The following BNC2 variants were observed in gnomAD, a reference collection of about 807,000 sequenced individuals.
The protein encoded by BNC2 is basonuclin zinc finger protein 2.
Under a neutral mutation model 76.3 loss-of-function variants are expected in BNC2, and 20 were observed. The observed-to-expected ratio is 0.26, with a 90% CI of 0.18 to 0.38. The LOEUF (loss-of-function observed/expected upper bound fraction) is 0.38. BNC2 is among the 10% of genes least tolerant of loss of function. BNC2 has a pLI of 1.00. For missense variants in BNC2, 1,382 were observed against 1,399.8 expected (o/e 0.99, Z 0.20); for synonymous variants, 582 against 514.8 (o/e 1.13, Z -1.77).
intron 1 of BNC2, among the ~76,000 whole-genome samples, chr9:16,839,625 C>A (rs1818781189): frequency 6.6e-6 from 1 of 152,206 alleles, no homozygotes; most frequent in Non-Finnish European, 1.5e-5. Context: ...CCAACGATTT[C>A]ATTCCTTCTT....
At chr9:16,492,076 A>G (rs1822290613) in intron 5 of BNC2, among the ~76,000 whole-genome samples, 1 of 152,218 alleles carries the variant, frequency 6.6e-6, no homozygotes, top group Non-Finnish European at 1.5e-5. Flanking sequence ...TGTAAAATAA[A>G]AAGTTCATTC....
At chr9:16,617,133 A>T (rs976766897) in intron 3 of BNC2, among the ~76,000 whole-genome samples, 4 of 152,204 alleles carry the variant, frequency 2.6e-5, no homozygotes, top group Non-Finnish European at 4.4e-5. Flanking sequence ...GGTCATGATC[A>T]TCATCGATAA....
At chr9:16,768,090 C>T (rs966786517) in intron 1 of BNC2, among the ~76,000 whole-genome samples, 12 of 151,656 alleles carry the variant, frequency 7.9e-5, no homozygotes, top group South Asian at 2.1e-4. Context: ...CTCAGTCTCT[C>T]GAGTAGCTGG....
At chr9:16,529,191 C>G (rs955977024) in intron 5 of BNC2, among the ~76,000 whole-genome samples, 1 of 152,178 alleles carries the variant, frequency 6.6e-6, no homozygotes, top group Non-Finnish European at 1.5e-5. Context: ...TTAATCACAT[C>G]TGCAAAAACC....
intron 3 of BNC2, among the ~76,000 whole-genome samples, chr9:16,623,099 G>C (rs139252670): frequency 6.6e-6 from 1 of 152,172 alleles, no homozygotes; most frequent in East Asian, 1.9e-4. Flanking sequence ...CCAAAATGAT[G>C]GTGAAACTAA....
intron 1 of BNC2, among the ~76,000 whole-genome samples, chr9:16,841,803 T>C (rs1818833665): frequency 8.4e-6 from 1 of 119,416 alleles, no homozygotes; most frequent in African/African-American, 3.1e-5. Context: ...CAAGACATTA[T>C]TATCAAATTT....
intron 3 of BNC2, 129 bp downstream of exon 3, chr9:16,727,668 A>G: frequency 1.3e-6 from 1 of 758,010 alleles, no homozygotes; most frequent in South Asian, 1.9e-5. Context: ...ACAAAACAAG[A>G]GCCTAACTAG....
chr9:16,808,691 C>T (rs1359657644), intron 1 of BNC2, among the ~76,000 whole-genome samples: 2 of 150,888 alleles, frequency 1.3e-5, no homozygotes, highest in Admixed American at 1.3e-4. Flanking sequence ...GCTATGTTGC[C>T]CAAGCTTTTT....
intron 1 of BNC2, among the ~76,000 whole-genome samples, chr9:16,771,675 G>C (rs781639984): frequency 1.3e-5 from 2 of 152,142 alleles, no homozygotes; most frequent in Non-Finnish European, 2.9e-5. Flanking sequence ...CATTCAACTT[G>C]ATAAAGGTGT....
chr9:16,788,750 A>G (rs184888053), intron 1 of BNC2, among the ~76,000 whole-genome samples: 1 of 152,070 alleles, frequency 6.6e-6, no homozygotes, highest in Non-Finnish European at 1.5e-5. Context: ...ATAAGGAAGG[A>G]GAGAAATCAA....
At chr9:16,498,779 A>G (rs1470571317) in intron 5 of BNC2, among the ~76,000 whole-genome samples, 1 of 152,046 alleles carries the variant, frequency 6.6e-6, no homozygotes, top group Non-Finnish European at 1.5e-5. Context: ...ACAGACCTTT[A>G]CCGACAATGA....
intron 1 of BNC2, among the ~76,000 whole-genome samples, chr9:16,846,182 G>C (rs1486354862): frequency 6.6e-6 from 1 of 151,500 alleles, no homozygotes; most frequent in African/African-American, 2.4e-5. Context: ...ATTAAAAAGA[G>C]CTACGTTTGA....
intron 5 of BNC2, among the ~76,000 whole-genome samples, chr9:16,501,759 A>G (rs1822523722): frequency 6.6e-6 from 1 of 152,186 alleles, no homozygotes; most frequent in Admixed American, 6.5e-5. Flanking sequence ...TGAATGGCTA[A>G]GTGGGTTTTA....
At chr9:16,597,745 A>C (rs945243693) in intron 3 of BNC2, among the ~76,000 whole-genome samples, 1 of 152,126 alleles carries the variant, frequency 6.6e-6, no homozygotes, top group Non-Finnish European at 1.5e-5. Context: ...TTTCCCCCAT[A>C]ATCTTAAGTG....
chr9:16,748,922 CTATATATATA>C (rs34314862), intron 1 of BNC2, among the ~76,000 whole-genome samples: 98 of 130,556 alleles, frequency 7.5e-4, no homozygotes, highest in East Asian at 2.3e-3. Flanking sequence ...ACTTTTTATA[CTATATATATA>C]TATATATATA....
intron 5 of BNC2, among the ~76,000 whole-genome samples, chr9:16,441,098 GAAGATGGCTT>G (rs1821119561): frequency 6.6e-6 from 1 of 152,156 alleles, no homozygotes; most frequent in Admixed American, 6.5e-5. Flanking sequence ...GGCCAAGGTG[GAAGATGGCTT>G]AAGCCCTAGG....
chr9:16,459,080 T>C (rs1467740846), intron 5 of BNC2, among the ~76,000 whole-genome samples: 1 of 152,102 alleles, frequency 6.6e-6, no homozygotes, highest in African/African-American at 2.4e-5. Flanking sequence ...GAAATCCTTA[T>C]TTAAGGGAAA....
chr9:16,630,139 G>C (rs1483275088), intron 3 of BNC2, among the ~76,000 whole-genome samples: 2 of 152,182 alleles, frequency 1.3e-5, no homozygotes, highest in Admixed American at 6.5e-5. Flanking sequence ...CTATGTTCAA[G>C]CCTGAAGAAC....
At chr9:16,769,999 A>T (rs1279850925) in intron 1 of BNC2, among the ~76,000 whole-genome samples, 1 of 152,166 alleles carries the variant, frequency 6.6e-6, no homozygotes, top group Non-Finnish European at 1.5e-5. Flanking sequence ...GAAGCTGTAT[A>T]CCTAACCTAC....
Sources: gnomAD v4.1 joint callset for allele counts (sites outside exome capture counted in the v4.1 genomes callset) on GRCh38, gnomAD v4.1.1 for gene constraint, MANE v1.5 for transcripts, NCBI Gene and HGNC (gene_info 2026-07-23, HGNC 2026-07-21) for gene names.